The following TSPAN9 variants were observed in gnomAD, a reference collection of about 807,000 sequenced individuals.
TSPAN9 encodes tetraspanin 9, also known as tetraspanin-9.
TSPAN9 carries 16 observed loss-of-function variants against 31.0 expected under a neutral mutation model. The observed-to-expected ratio is 0.52, with a 90% CI of 0.35 to 0.78. The LOEUF (loss-of-function observed/expected upper bound fraction) is 0.78. Ranked by LOEUF, TSPAN9 falls within the 30% of genes least tolerant of loss-of-function variation. TSPAN9 has a pLI of 0.01. For synonymous variants in TSPAN9, 145 were observed against 121.6 expected, an observed-to-expected ratio of 1.19 and a Z score of -1.27; for missense variants, 272 against 312.5, an observed-to-expected ratio of 0.87 and a Z score of 0.98.
chr12:3,103,828 C>T (rs1290105351), intron 2 of TSPAN9, among the ~76,000 whole-genome samples: 1 of 152,180 alleles, frequency 6.6e-6, no homozygotes, highest in Non-Finnish European at 1.5e-5. Flanking sequence ...CCAAGCACTG[C>T]TCCCGGCTCT....
intron 2 of TSPAN9, among the ~76,000 whole-genome samples, chr12:3,180,779 C>G (rs12579294): frequency 1.3e-5 from 2 of 152,048 alleles, no homozygotes; most frequent in African/African-American, 4.8e-5. Context: ...TTAACATCAC[C>G]TTTCTAAAAT....
chr12:3,253,183 C>G (rs1479632895), intron 3 of TSPAN9, among the ~76,000 whole-genome samples: 1 of 152,198 alleles, frequency 6.6e-6, no homozygotes, highest in Non-Finnish European at 1.5e-5. Context: ...CAGTCTCTCT[C>G]TCCCACCAGC....
chr12:3,118,585 A>G (rs1245156855), intron 2 of TSPAN9, among the ~76,000 whole-genome samples: 1 of 151,424 alleles, frequency 6.6e-6, no homozygotes, highest in East Asian at 1.9e-4. Context: ...TCTTTTTTTT[A>G]ATGGAACAGG....
At chr12:3,164,666 CT>C (rs1306705126) in intron 2 of TSPAN9, among the ~76,000 whole-genome samples, 1 of 152,176 alleles carries the variant, frequency 6.6e-6, no homozygotes, top group African/African-American at 2.4e-5. Context: ...CAAGTGCCGG[CT>C]GCAAAACCCT....
At chr12:3,196,254 T>G (rs1467311233) in intron 2 of TSPAN9, among the ~76,000 whole-genome samples, 1 of 152,192 alleles carries the variant, frequency 6.6e-6, no homozygotes, top group Non-Finnish European at 1.5e-5. Flanking sequence ...ACCAGCTTCC[T>G]TCTTCCAGCC....
rs186773748 is a variant in TSPAN9 at position 3,138,680 on chromosome 12, G to A, written c.-18+54961G>A. On this transcript the variant is annotated intron_variant, in intron 2 of 8. Transcript: ENST00000011898. ...TTTCCTTTTTTTGTATTTTTGTAGA[G>A]ATGGGGTTTCGTCATGTTGGCCAGG... Among the ~76,000 whole-genome samples the A allele has an allele frequency of 4.0e-4, 60 of 151,592 alleles. No individual in the cohort carries two copies. In the East Asian group the frequency reaches 0.012, roughly 30 times the overall value.
At chr12:3,263,064 A>G (rs1862480818) in intron 3 of TSPAN9, among the ~76,000 whole-genome samples, 1 of 152,186 alleles carries the variant, frequency 6.6e-6, no homozygotes, top group African/African-American at 2.4e-5. Flanking sequence ...AGGGAGGCAG[A>G]TGTGCTGGGT....
intron 3 of TSPAN9, among the ~76,000 whole-genome samples, chr12:3,213,072 A>T (rs1189709936): frequency 9.9e-5 from 15 of 152,130 alleles, no homozygotes; most frequent in Admixed American, 9.8e-4. Flanking sequence ...GAGCGCTAGG[A>T]ATTGCTTGGG....
At chr12:3,219,266 T>G (rs1041987997) in intron 3 of TSPAN9, among the ~76,000 whole-genome samples, 1 of 152,190 alleles carries the variant, frequency 6.6e-6, no homozygotes, top group Non-Finnish European at 1.5e-5. Flanking sequence ...ACAATGACAG[T>G]GACATGCAAC....
intron 3 of TSPAN9, among the ~76,000 whole-genome samples, chr12:3,274,679 G>GGCGT (rs1415307908): frequency 6.6e-6 from 1 of 152,264 alleles, no homozygotes; most frequent in African/African-American, 2.4e-5. Context: ...GGAAAATCGA[G>GGCGT]GCGTGACCTT....
At chr12:3,167,409 T>A (rs2098349077) in intron 2 of TSPAN9, among the ~76,000 whole-genome samples, 1 of 152,188 alleles carries the variant, frequency 6.6e-6, no homozygotes, top group Non-Finnish European at 1.5e-5. Flanking sequence ...TAGGTAAACA[T>A]ATAACTTGAG....
chr12:3,164,988 TC>T (rs1271831956), intron 2 of TSPAN9, among the ~76,000 whole-genome samples: 1 of 152,190 alleles, frequency 6.6e-6, no homozygotes, highest in African/African-American at 2.4e-5. Flanking sequence ...ATTCTAGGAT[TC>T]TGTGGTTCCT....
intron 3 of TSPAN9, among the ~76,000 whole-genome samples, chr12:3,273,743 C>T (rs1279186799): frequency 6.6e-6 from 1 of 152,188 alleles, no homozygotes; most frequent in East Asian, 1.9e-4. Flanking sequence ...CTGCCCGCTG[C>T]ACTGGCTTCA....
chr12:3,201,084 C>T, intron 2 of TSPAN9, 93 bp from the exon 3 acceptor site: 1 of 1,238,104 alleles, frequency 8.1e-7, no homozygotes, highest in South Asian at 1.3e-5. Flanking sequence ...CAGAGCCGCG[C>T]CGAGGCCGGC....
chr12:3,164,749 T>G (rs2098347387), intron 2 of TSPAN9, among the ~76,000 whole-genome samples: 1 of 152,202 alleles, frequency 6.6e-6, no homozygotes, highest in African/African-American at 2.4e-5. Context: ...CTGAGCCTGC[T>G]GAGCCTTCTC....
intron 2 of TSPAN9, among the ~76,000 whole-genome samples, chr12:3,154,772 C>A (rs746611816): frequency 1.3e-5 from 2 of 152,252 alleles, no homozygotes; most frequent in Admixed American, 1.3e-4. Context: ...CTGTGAGCAT[C>A]TGCACTCCAG....
chr12:3,101,909 C>T (rs1377360326), intron 2 of TSPAN9, among the ~76,000 whole-genome samples: 1 of 152,192 alleles, frequency 6.6e-6, no homozygotes, highest in Non-Finnish European at 1.5e-5. Flanking sequence ...TGAATGGATA[C>T]TGTCACCCTT....
At chr12:3,220,758 A>G (rs529355401) in intron 3 of TSPAN9, among the ~76,000 whole-genome samples, 2 of 149,544 alleles carry the variant, frequency 1.3e-5, no homozygotes, top group South Asian at 4.2e-4. Context: ...GCCGGGGAAG[A>G]GTGCACCACA....
chr12:3,177,027 G>A (rs2098356057), intron 2 of TSPAN9, among the ~76,000 whole-genome samples: 4 of 152,342 alleles, frequency 2.6e-5, no homozygotes, highest in Admixed American at 2.6e-4. Flanking sequence ...AGAGGTGGCC[G>A]GGGGAGTGGG....
Sources: allele counts gnomAD v4.1 joint callset (sites outside exome capture counted in the v4.1 genomes callset), GRCh38; gene constraint gnomAD v4.1.1; transcripts MANE v1.5; gene names NCBI Gene and HGNC (gene_info 2026-07-23, HGNC 2026-07-21).